RPGRIP1L: variants seen among roughly 807,000 people sequenced by gnomAD.
RPGRIP1L encodes the protein protein fantom.
In RPGRIP1L, 131 loss-of-function variants were observed where a neutral mutation model predicts 160.4. The observed-to-expected ratio is 0.82, with a 90% CI of 0.71 to 0.94. RPGRIP1L has a LOEUF of 0.94. RPGRIP1L is among the 40% of genes least tolerant of loss of function. RPGRIP1L has a pLI of 0.00. For missense variants in RPGRIP1L, 1,522 were observed against 1,535.8 expected (o/e 0.99, Z 0.15); for synonymous variants, 510 against 515.8 (o/e 0.99, Z 0.15).
intron 22 of RPGRIP1L, among the ~76,000 whole-genome samples, chr16:53,625,622 C>A (rs1347740899): frequency 6.6e-6 from 1 of 152,046 alleles, no homozygotes; most frequent in Non-Finnish European, 1.5e-5. Flanking sequence ...TCTGCCCAGC[C>A]GCCACCCCGT....
intron 6 of RPGRIP1L, among the ~76,000 whole-genome samples, chr16:53,679,577 C>T (rs954536365): frequency 2.9e-5 from 4 of 137,484 alleles, no homozygotes; most frequent in African/African-American, 9.9e-5. Context: ...GAATCTGAAC[C>T]TTACAGTCAA....
intron 23 of RPGRIP1L, among the ~76,000 whole-genome samples, chr16:53,621,419 A>G (rs1598247990): frequency 6.7e-6 from 1 of 148,528 alleles, no homozygotes; most frequent in South Asian, 2.1e-4. Flanking sequence ...TGTCTATCTT[A>G]TTTCTGGTCA....
intron 14 of RPGRIP1L, among the ~76,000 whole-genome samples, 154 bp downstream of exon 14, chr16:53,656,318 A>G (rs763488926): frequency 6.6e-6 from 1 of 152,094 alleles, no homozygotes; most frequent in Non-Finnish European, 1.5e-5. Context: ...TACTGCTGGA[A>G]CCCAGGAGGT....
intron 6 of RPGRIP1L, among the ~76,000 whole-genome samples, chr16:53,684,483 T>C (rs575039046): frequency 1.3e-5 from 2 of 151,872 alleles, no homozygotes; most frequent in East Asian, 3.9e-4. Context: ...CTCAGCAAAC[T>C]ATCGCAAGGA....
rs958116016 is a variant in RPGRIP1L, at chr16:53,652,655, T to G, written c.2032A>C (p.Ile678Leu). 3 of 1,613,526 alleles carry G rather than the reference T, an allele frequency of 1.9e-6. No homozygotes were observed. The African/African-American group carries it at 4.0e-5, about 22-fold the overall frequency. ...LFLQYIQKNT[I>L]TLEVHQAYST... ...TAAGCCTGGTGGACCTCAAGGGTGA[T>G]AGTATTCTTCTGAATATATTGCAAA... Residue 678 changes from isoleucine to leucine, a missense_variant, in exon 15 of 27, where the codon ATC becomes CTC. Coordinates refer to ENST00000647211, the MANE Select transcript of RPGRIP1L (RefSeq NM_015272.5).
intron 15 of RPGRIP1L, among the ~76,000 whole-genome samples, chr16:53,651,947 A>G (rs1042346297): frequency 2.6e-5 from 4 of 151,954 alleles, no homozygotes; most frequent in African/African-American, 9.7e-5. Flanking sequence ...CTTAAATTAC[A>G]GTTCAATACA....
intron 16 of RPGRIP1L, 102 bp downstream of exon 16, chr16:53,648,862 A>G: frequency 9.4e-7 from 1 of 1,066,150 alleles, no homozygotes. Flanking sequence ...AAAAAAAGAC[A>G]CTTGATGGCT....
At position 53,693,960 on chromosome 16, in the gene RPGRIP1L, C is replaced by A. The variant is rs148967458; in HGVS notation, c.231-1596G>T. 9.1e-4 allele frequency: 138 copies of A among 152,262 alleles called. No homozygotes were observed. In the East Asian group the frequency reaches 0.025, roughly 27 times the overall value. The allele number at this position is 152,262 out of a possible 1,614,324, so 9.4% of individuals were successfully genotyped here. A position where few individuals can be genotyped will look rare whatever the true frequency, so the allele number is the denominator to read the frequency against. ...TTAACACCCAGGTAAAAATAAATGA[C>A]CCTAATTTTTAAGGCAGGGTATCTT... On this transcript the variant is annotated intron_variant, in intron 3 of 26. Coordinates refer to ENST00000647211, the MANE Select transcript of RPGRIP1L (RefSeq NM_015272.5).
intron 10 of RPGRIP1L, among the ~76,000 whole-genome samples, chr16:53,664,581 T>C (rs745309396): frequency 6.6e-6 from 1 of 152,192 alleles, no homozygotes; most frequent in Non-Finnish European, 1.5e-5. Flanking sequence ...CAATAAATAC[T>C]TCTCAACTGT....
intron 4 of RPGRIP1L, among the ~76,000 whole-genome samples, chr16:53,689,866 G>T (rs1266289690): frequency 1.3e-5 from 2 of 152,172 alleles, no homozygotes; most frequent in Non-Finnish European, 2.9e-5. Context: ...AGTGAGAAAG[G>T]TCTGAATCAC....
chr16:53,673,442 A>G (rs1194215943), intron 7 of RPGRIP1L, among the ~76,000 whole-genome samples: 1 of 152,172 alleles, frequency 6.6e-6, no homozygotes, highest in Non-Finnish European at 1.5e-5. Context: ...ACATCGTATA[A>G]ACAGCCTTGG....
intron 10 of RPGRIP1L, among the ~76,000 whole-genome samples, chr16:53,663,988 CTG>C (rs1411652892): frequency 6.6e-6 from 1 of 152,148 alleles, no homozygotes; most frequent in East Asian, 1.9e-4. Context: ...AGAAACGTAA[CTG>C]TTTTTTAGTG....
intron 7 of RPGRIP1L, among the ~76,000 whole-genome samples, chr16:53,673,888 A>C (rs1968947809): frequency 6.6e-6 from 1 of 152,198 alleles, no homozygotes; most frequent in South Asian, 2.1e-4. Context: ...GTACTACAGC[A>C]GACACCTGTT....
At chr16:53,625,033 C>G (rs186418703) in intron 22 of RPGRIP1L, among the ~76,000 whole-genome samples, 2,086 of 152,274 alleles carry the variant, frequency 0.014, 54 homozygotes, top group African/African-American at 0.048. Flanking sequence ...CCCCAGGTGC[C>G]GGGATTGCAG....
Position 53,641,091 on chromosome 16 carries a change from C to G in RPGRIP1L, c.2900G>C (p.Arg967Pro). The G allele has an allele frequency of 6.2e-7, 1 of 1,613,796 alleles. No individual in the cohort carries two copies. The highest frequency in any genetic ancestry group is 1.3e-5 in the African/African-American group (1 of 75,020). Residue 967 changes from arginine (R) to proline (P), a missense_variant, in exon 19 of 27, where the codon CGT becomes CCT. Physicochemically the swap from Arg to Pro is moderately radical, Grantham distance 103. Coordinates refer to ENST00000647211, the MANE Select transcript of RPGRIP1L (RefSeq NM_015272.5). ...VLAPRPKPRQ[R>P]LTPVDKKVSF... ...TACCTTCTTATCTACAGGTGTTAAA[C>G]GTTGTCTTGGTTTAGGTCTTGGTGC...
intron 8 of RPGRIP1L, 34 bp downstream of exon 8, chr16:53,672,836 A>C: frequency 6.3e-7 from 1 of 1,593,832 alleles, no homozygotes; most frequent in South Asian, 1.1e-5. Flanking sequence ...AGAAGTTGTA[A>C]TGCAACAGAT....
rs1963308528 is a variant in RPGRIP1L, at chr16:53,599,898, A to C, written c.*2178T>G. The C allele has an allele frequency of 6.6e-6, 1 of 152,268 alleles. No homozygotes were observed. The highest frequency in any genetic ancestry group is 1.5e-5 in the Non-Finnish European group (1 of 68,044). 9.4% of individuals were successfully genotyped at this position (152,268 alleles called of 1,614,324 possible). ...TGTTGTGAAAATTCGCAATAGTTTG[A>C]AACTGAATATTTTAAAACTAGATAT... is the stretch of plus-strand genomic sequence containing the variant. On this transcript the variant is annotated 3_prime_UTR_variant, in exon 27 of 27. Transcript: ENST00000647211.
At chr16:53,626,290 T>C (rs1253471869) in intron 22 of RPGRIP1L, among the ~76,000 whole-genome samples, 1 of 152,054 alleles carries the variant, frequency 6.6e-6, no homozygotes, top group East Asian at 1.9e-4. Context: ...TCAGAATTAC[T>C]AGAGCAACAT....
chr16:53,692,679 T>G (rs1347093170), intron 3 of RPGRIP1L, among the ~76,000 whole-genome samples: 1 of 152,256 alleles, frequency 6.6e-6, no homozygotes, highest in Non-Finnish European at 1.5e-5. Context: ...ATAGGAATGC[T>G]GTACGCACTT....
Sources: allele counts gnomAD v4.1 joint callset (sites outside exome capture counted in the v4.1 genomes callset), GRCh38; gene constraint gnomAD v4.1.1; transcripts MANE v1.5; gene names NCBI Gene and HGNC (gene_info 2026-07-23, HGNC 2026-07-21).